DTNA: variants seen among roughly 807,000 people sequenced by gnomAD.
DTNA encodes dystrobrevin alpha.
In DTNA, 43 loss-of-function variants were observed where a neutral mutation model predicts 100.7. That is an observed-to-expected ratio of 0.43 (90% CI 0.33 to 0.55). DTNA has a LOEUF of 0.55. Among genes scored for constraint, DTNA ranks in the 20% least tolerant of loss-of-function variants. DTNA has a pLI of 0.04. For synonymous variants in DTNA, 349 were observed against 347.9 expected (o/e 1.00, Z -0.04); for missense variants, 798 against 953.9 (o/e 0.84, Z 2.15).
chr18:34,707,696 G>A (rs962890371), upstream of DTNA, among the ~76,000 whole-genome samples: 1 of 152,202 alleles, frequency 6.6e-6, no homozygotes, highest in Non-Finnish European at 1.5e-5. Context: ...AATGCAGTCA[G>A]TGAGAGTCTC....
intron 1 of DTNA, among the ~76,000 whole-genome samples, chr18:34,675,356 G>C (rs2077274199): frequency 6.6e-6 from 1 of 152,056 alleles, no homozygotes; most frequent in Non-Finnish European, 1.5e-5. Flanking sequence ...GTCCTGGAGA[G>C]CACCTTTTTA....
At chr18:34,644,901 G>C (rs1234555748) in intron 1 of DTNA, among the ~76,000 whole-genome samples, 1 of 152,024 alleles carries the variant, frequency 6.6e-6, no homozygotes, top group Non-Finnish European at 1.5e-5. Flanking sequence ...TCCCTGTACT[G>C]AAGAAAATAT....
intron 1 of DTNA, among the ~76,000 whole-genome samples, chr18:34,494,449 C>T (rs2038957075): frequency 6.6e-6 from 1 of 152,054 alleles, no homozygotes; most frequent in Admixed American, 6.6e-5. Flanking sequence ...TTCTGCTGGA[C>T]AGAGGGCAGG....
chr18:34,626,056 C>G (rs985903654), intron 1 of DTNA, among the ~76,000 whole-genome samples: 5 of 152,138 alleles, frequency 3.3e-5, no homozygotes, highest in African/African-American at 1.2e-4. Flanking sequence ...CCTAGTGACA[C>G]GTGAAAGCAA....
At chr18:34,794,303 T>C (rs2094875440) in intron 4 of DTNA, 53 bp downstream of exon 4, 1 of 1,603,694 alleles carries the variant, frequency 6.2e-7, no homozygotes, top group Admixed American at 1.7e-5. Context: ...TTTCACTTCC[T>C]GTCTTACTTG....
intron 10 of DTNA, chr18:34,829,179 C>T: frequency 6.2e-7 from 1 of 1,606,336 alleles, no homozygotes; most frequent in Non-Finnish European, 8.5e-7. Flanking sequence ...GATTATTTCC[C>T]TTTTTTCCCA....
Position 34,888,403 on chromosome 18 carries a change from C to T in DTNA, c.*669C>T. The T allele has an allele frequency of 2.0e-6, 2 of 985,800 alleles. No individual in the cohort carries two copies. The highest frequency in any genetic ancestry group is 2.4e-6 in the Non-Finnish European group (2 of 829,920). The allele number at this position is 985,800 out of a possible 1,614,324, so 61.1% of individuals were successfully genotyped here. A position where few individuals can be genotyped will look rare whatever the true frequency, so the allele number is the denominator to read the frequency against. On this transcript the variant is annotated 3_prime_UTR_variant, in exon 23 of 23. Coordinates refer to ENST00000444659, the MANE Select transcript of DTNA (RefSeq NM_001386795.1). ...GGCCTGCACGGTCTGTAGTTGACTC[C>T]AAGTCTCTGTGAGCAGTGACTTGAA...
chr18:34,529,212 A>G lies in DTNA; in HGVS notation c.-2+35698A>G, dbSNP rs986526607. On this transcript the variant is annotated intron_variant, in intron 1 of 19. Transcript: ENST00000283365. ...AATTCTTGTTATATTAGAACTCTAT[A>G]TATTTATATAGGCTGACATATGCTC... Among the ~76,000 whole-genome samples the G allele has an allele frequency of 2.6e-5, 4 of 152,160 alleles. No individual in the cohort carries two copies. In the East Asian group the frequency reaches 5.8e-4, roughly 22 times the overall value.
chr18:34,845,450 T>C (rs1032500925), intron 13 of DTNA, among the ~76,000 whole-genome samples: 11 of 152,314 alleles, frequency 7.2e-5, no homozygotes, highest in African/African-American at 2.2e-4. Context: ...CAGAAGTTTT[T>C]ATCAAGATTT....
intron 1 of DTNA, among the ~76,000 whole-genome samples, chr18:34,616,127 T>C (rs1203468181): frequency 1.3e-5 from 2 of 152,224 alleles, no homozygotes; most frequent in Non-Finnish European, 2.9e-5. Flanking sequence ...CTGGATCAAA[T>C]GGTACTTCTC....
At chr18:34,783,453 G>T (rs1161226945) in intron 3 of DTNA, among the ~76,000 whole-genome samples, 1 of 152,186 alleles carries the variant, frequency 6.6e-6, no homozygotes, top group East Asian at 1.9e-4. Flanking sequence ...AAATTAAAGT[G>T]AAACTAAAAT....
At chr18:34,601,149 A>C (rs529099915) in intron 1 of DTNA, among the ~76,000 whole-genome samples, 21 of 152,366 alleles carry the variant, frequency 1.4e-4, no homozygotes, top group African/African-American at 2.9e-4. Context: ...GTACAGCAGC[A>C]GCAGAGGTAC....
chr18:34,862,396 T>C (rs946802241), intron 16 of DTNA, among the ~76,000 whole-genome samples: 1 of 151,350 alleles, frequency 6.6e-6, no homozygotes, highest in Non-Finnish European at 1.5e-5. Flanking sequence ...GTGGCAATAA[T>C]AGTTAAAAAT....
chr18:34,753,361 A>ATTTTTTTTTTTTT (rs751756097), intron 1 of DTNA, among the ~76,000 whole-genome samples: 2 of 96,888 alleles, frequency 2.1e-5, no homozygotes, highest in African/African-American at 1.1e-4. Flanking sequence ...TTATTTATTT[A>ATTTTTTTTTTTTT]TTTTATTTTT....
intron 1 of DTNA, among the ~76,000 whole-genome samples, chr18:34,659,116 T>G (rs2074807189): frequency 6.6e-6 from 1 of 152,128 alleles, no homozygotes; most frequent in African/African-American, 2.4e-5. Flanking sequence ...ATGTGTGTGT[T>G]ATGACTGGAA....
chr18:34,695,446 GT>G (rs1463919037), intron 1 of DTNA, among the ~76,000 whole-genome samples: 1 of 152,122 alleles, frequency 6.6e-6, no homozygotes, highest in Non-Finnish European at 1.5e-5. Flanking sequence ...CCTGGGGCTC[GT>G]GTGTAACATA....
chr18:34,728,298 C>A (rs898677683), intron 1 of DTNA, among the ~76,000 whole-genome samples: 1 of 152,100 alleles, frequency 6.6e-6, no homozygotes, highest in Admixed American at 6.5e-5. Context: ...ACAAGGCCCA[C>A]TTCTTAGTTT....
chr18:34,762,216 G>T (rs2093219904), intron 2 of DTNA, among the ~76,000 whole-genome samples: 1 of 152,188 alleles, frequency 6.6e-6, no homozygotes, highest in Non-Finnish European at 1.5e-5. Context: ...CTACCAGACT[G>T]CTAGATCAGA....
At chr18:34,690,044 C>T (rs899128604) in intron 1 of DTNA, among the ~76,000 whole-genome samples, 1 of 152,164 alleles carries the variant, frequency 6.6e-6, no homozygotes, top group Admixed American at 6.5e-5. Context: ...GTGCTGACAG[C>T]GAGAATTTCA....
Sources: allele counts gnomAD v4.1 joint callset (sites outside exome capture counted in the v4.1 genomes callset), GRCh38; gene constraint gnomAD v4.1.1; transcripts MANE v1.5; gene names NCBI Gene and HGNC (gene_info 2026-07-23, HGNC 2026-07-21).